LRRC4C: variants seen among roughly 807,000 people sequenced by gnomAD.
LRRC4C encodes leucine rich repeat containing 4C, also known as leucine-rich repeat-containing protein 4C.
In LRRC4C, 5 loss-of-function variants were observed where a neutral mutation model predicts 33.6. That is an observed-to-expected ratio of 0.15 (90% CI 0.08 to 0.31). The LOEUF (loss-of-function observed/expected upper bound fraction) is 0.31, where lower values mean the gene tolerates loss of function less well. LRRC4C is among the 10% of genes least tolerant of loss of function. LRRC4C has a pLI of 1.00. For missense variants in LRRC4C, 560 were observed against 796.7 expected (o/e 0.70, Z 3.58); for synonymous variants, 329 against 302.0 (o/e 1.09, Z -0.93).
rs76622492 is a variant in LRRC4C, at chr11:40,351,892, T to C, written c.-269-32171A>G. ...TAGAATATCTTTTTTCATCCCTTTA[T>C]TTTCAGCCTATGTGTGCCTTTATAG... On this transcript the variant is annotated intron_variant, in intron 3 of 6. Transcript: ENST00000528697. Among the ~76,000 whole-genome samples, 1,429 of 152,192 alleles carry C rather than the reference T, an allele frequency of 9.4e-3. 22 individuals carry two copies. Among genetic ancestry groups the C allele is most frequent in the African/African-American group, 0.033 (1,379 of 41,542 alleles).
At chr11:40,561,460 TG>T (rs1957546754) in intron 3 of LRRC4C, among the ~76,000 whole-genome samples, 1 of 140,470 alleles carries the variant, frequency 7.1e-6, no homozygotes, top group Admixed American at 7.7e-5. Context: ...TTGCCCAGGC[TG>T]GATTGTAGTG....
chr11:40,815,324 AAT>A (rs1468646964), intron 2 of LRRC4C, among the ~76,000 whole-genome samples: 1 of 152,152 alleles, frequency 6.6e-6, no homozygotes, highest in Non-Finnish European at 1.5e-5. Context: ...CTTGCCCCTT[AAT>A]TCAATTACCA....
intron 1 of LRRC4C, among the ~76,000 whole-genome samples, chr11:41,014,427 T>C (rs1590239490): frequency 6.6e-6 from 1 of 151,948 alleles, no homozygotes. Context: ...CAATAAATGG[T>C]ACCAAGAGCA....
At chr11:41,315,460 A>G (rs543200822) in intron 1 of LRRC4C, among the ~76,000 whole-genome samples, 3 of 152,318 alleles carry the variant, frequency 2.0e-5, no homozygotes, top group East Asian at 3.9e-4. Flanking sequence ...TCATGAGAAC[A>G]TTTAAATAGC....
At chr11:40,402,011 T>C (rs1414617648) in intron 3 of LRRC4C, among the ~76,000 whole-genome samples, 2 of 151,342 alleles carry the variant, frequency 1.3e-5, no homozygotes, top group Non-Finnish European at 3.0e-5. Flanking sequence ...GTTAGGGAGG[T>C]TGGAGAAGAA....
chr11:40,343,367 AT>A (rs1370836962), intron 3 of LRRC4C, among the ~76,000 whole-genome samples: 1 of 152,108 alleles, frequency 6.6e-6, no homozygotes, highest in Non-Finnish European at 1.5e-5. Flanking sequence ...ACACATAAAT[AT>A]TAATTTTTGA....
At chr11:40,496,019 GTGGTTTCACC>G (rs756001590) in intron 3 of LRRC4C, among the ~76,000 whole-genome samples, 13 of 151,652 alleles carry the variant, frequency 8.6e-5, no homozygotes, top group East Asian at 5.9e-4. Flanking sequence ...CAGTAGAGAC[GTGGTTTCACC>G]TGGTTTCACC....
chr11:40,222,618 T>C (rs905805202), intron 5 of LRRC4C, among the ~76,000 whole-genome samples: 1 of 152,358 alleles, frequency 6.6e-6, no homozygotes, highest in Middle Eastern at 3.4e-3. Flanking sequence ...ACTCAGTTTT[T>C]ACTTGAATAA....
At chr11:40,920,689 G>T (rs114021771) in intron 2 of LRRC4C, among the ~76,000 whole-genome samples, 1,993 of 152,124 alleles carry the variant, frequency 0.013, 41 homozygotes, top group African/African-American at 0.046. Context: ...TCTCAGAGCA[G>T]CCCAAACATG....
intron 3 of LRRC4C, among the ~76,000 whole-genome samples, chr11:40,352,898 C>A (rs1223347921): frequency 6.6e-6 from 1 of 152,114 alleles, no homozygotes; most frequent in Non-Finnish European, 1.5e-5. Context: ...ATATGTTATG[C>A]CACTCTTGCC....
intron 1 of LRRC4C, among the ~76,000 whole-genome samples, chr11:40,953,258 G>T (rs1180591764): frequency 8.6e-5 from 13 of 151,854 alleles, no homozygotes; most frequent in Non-Finnish European, 1.5e-4. Context: ...TATTCGATCT[G>T]CAGATTCCAG....
chr11:40,909,115 C>G (rs962122782), intron 2 of LRRC4C, among the ~76,000 whole-genome samples: 2 of 151,922 alleles, frequency 1.3e-5, no homozygotes, highest in African/African-American at 4.8e-5. Context: ...TGTAACATCC[C>G]CATTGAAGCT....
At chr11:41,141,746 C>A (rs1943516722) in intron 1 of LRRC4C, among the ~76,000 whole-genome samples, 1 of 152,112 alleles carries the variant, frequency 6.6e-6, no homozygotes, top group Non-Finnish European at 1.5e-5. Context: ...CCTGAGGACT[C>A]CCCAGCCCTG....
At chr11:40,455,732 T>C (rs1952101591) in intron 3 of LRRC4C, among the ~76,000 whole-genome samples, 1 of 152,188 alleles carries the variant, frequency 6.6e-6, no homozygotes, top group Non-Finnish European at 1.5e-5. Flanking sequence ...CTGCTTTAAA[T>C]GTCCCTTTGC....
At position 41,338,804 on chromosome 11, in the gene LRRC4C, A is replaced by C. The variant is rs1441847756; in HGVS notation, c.-496+120627T>G. Among the ~76,000 whole-genome samples the C allele has an allele frequency of 3.3e-5, 5 of 152,272 alleles. 1 individual carries two copies. The South Asian group carries it at 1.0e-3, about 32-fold the overall frequency. ...AAACAAGCAATTTGTTTGTAGTAAG[A>C]TGGATGAAAATCTGAGTTCCTACTC... On this transcript the variant is annotated intron_variant, in intron 1 of 6. Coordinates refer to ENST00000528697, the MANE Select transcript of LRRC4C (RefSeq NM_001258419.2).
chr11:40,830,565 G>A (rs1205068105), intron 2 of LRRC4C, among the ~76,000 whole-genome samples: 3 of 151,914 alleles, frequency 2.0e-5, no homozygotes, highest in Non-Finnish European at 2.9e-5. Flanking sequence ...AGTTCTTTAC[G>A]AAAAATAAAA....
At chr11:41,123,256 GTTTTGTTTTTTTT>G (rs1441593654) in intron 1 of LRRC4C, among the ~76,000 whole-genome samples, 7 of 107,160 alleles carry the variant, frequency 6.5e-5, no homozygotes, top group Admixed American at 2.8e-4. Context: ...CCTGAGCTAT[GTTTTGTTTTTTTT>G]TTTTTTTTTT....
chr11:41,030,017 T>G (rs961026867), intron 1 of LRRC4C, among the ~76,000 whole-genome samples: 1 of 151,776 alleles, frequency 6.6e-6, no homozygotes, highest in Admixed American at 6.6e-5. Flanking sequence ...TACTGCAGGG[T>G]GAACAAACTT....
intron 1 of LRRC4C, among the ~76,000 whole-genome samples, chr11:41,092,394 A>G (rs1287893934): frequency 1.3e-5 from 2 of 152,190 alleles, no homozygotes; most frequent in African/African-American, 4.8e-5. Flanking sequence ...CAGGCACTTA[A>G]TCACTGTTAC....
Sources: allele counts gnomAD v4.1 joint callset (sites outside exome capture counted in the v4.1 genomes callset), GRCh38; gene constraint gnomAD v4.1.1; transcripts MANE v1.5; gene names NCBI Gene and HGNC (gene_info 2026-07-23, HGNC 2026-07-21).